KIAA1210: variants seen among roughly 807,000 people sequenced by gnomAD.
KIAA1210 encodes acrosomal protein KIAA1210.
KIAA1210 carries 48 observed loss-of-function variants against 78.9 expected under a neutral mutation model. The observed-to-expected ratio is 0.61, with a 90% CI of 0.48 to 0.77. KIAA1210 has a LOEUF of 0.77. Ranked by LOEUF, KIAA1210 falls within the 30% of genes least tolerant of loss-of-function variation. The pLI is 0.00. For missense variants in KIAA1210, 1,108 were observed against 1,100.0 expected (o/e 1.01, Z -0.10); for synonymous variants, 406 against 404.5 (o/e 1.00, Z -0.04).
At chrX:119,131,497 T>C (rs754519310), upstream of KIAA1210, among the ~76,000 whole-genome samples, 1 of 111,915 alleles carries the variant, frequency 8.9e-6, no homozygotes, top group East Asian at 2.8e-4. Context: ...AAAACCTCAG[T>C]AACATGCAAT....
At chrX:119,122,601 A>C (rs1191236433) in intron 2 of KIAA1210, among the ~76,000 whole-genome samples, 3 of 112,225 alleles carry the variant, frequency 2.7e-5, no homozygotes, top group Non-Finnish European at 3.8e-5. Flanking sequence ...CATATCCAAA[A>C]AGTCAATTGG....
At chrX:119,139,623 A>G (rs1239832819) in intron 2 of KIAA1210, among the ~76,000 whole-genome samples, 1 of 111,681 alleles carries the variant, frequency 9.0e-6, no homozygotes, top group Admixed American at 9.5e-5. Flanking sequence ...CCTGCTCTTC[A>G]TCAGTTTCCC....
intron 11 of KIAA1210, 90 bp from the exon 12 acceptor site, chrX:119,081,594 CT>C: frequency 1.1e-6 from 1 of 919,663 alleles, no homozygotes. Flanking sequence ...ATGTTTCCTC[CT>C]TTCAGGTTTC....
rs1489476162 is a variant in KIAA1210, at chrX:119,108,343, G to T, written c.486C>A (p.Ile162=). ...TSAVWVAGPK[I]TENPPSRRRR... is the part of the protein sequence containing the mutation. ...AACAATTCCACTTTGTTACCTCAGT[G>T]ATCTTGGGGCCAGCAACCCAGACTG... Residue 162 remains isoleucine (I), a synonymous_variant, in exon 5 of 12, where the codon ATC becomes ATA. Coordinates refer to ENST00000691062, the MANE Select transcript of KIAA1210 (RefSeq NM_001394962.1). The T allele has an allele frequency of 8.3e-7, 1 of 1,209,322 alleles. No homozygotes were observed. Among genetic ancestry groups the T allele is most frequent in the Non-Finnish European group, 1.1e-6 (1 of 894,247 alleles).
chrX:119,123,512 G>T (rs1377485654), intron 2 of KIAA1210, 70 bp downstream of exon 2: 2 of 791,235 alleles, frequency 2.5e-6, no homozygotes, highest in African/African-American at 4.1e-5. Flanking sequence ...TTGCTTCTTT[G>T]TCCTAGGAGC....
Position 119,096,547 on chromosome X carries a change from G to C in KIAA1210, c.793C>G (p.Arg265Gly). ...TQGCLDSSAA[R>G]HKMTLNPRKQ... ...CGGGGATTTAAAGTCATTTTGTGGC[G>C]AGCAGCTGAAGAATCCAAACAGCCC... The change falls in exon 7 of 12, where the codon CGC (arginine) becomes GGC (glycine). Residue 265 changes from arginine to glycine, a missense_variant. By Grantham distance (125) the Arg-to-Gly change is moderately radical (BLOSUM62 -2). Coordinates refer to ENST00000691062, the MANE Select transcript of KIAA1210 (RefSeq NM_001394962.1). 8.3e-7 allele frequency: 1 copy of C among 1,210,903 alleles called. No homozygotes were observed. Among genetic ancestry groups the C allele is most frequent in the South Asian group, 1.8e-5 (1 of 56,755 alleles).
intron 8 of KIAA1210, among the ~76,000 whole-genome samples, chrX:119,092,589 C>CTG (rs1927407303): frequency 9.1e-6 from 1 of 109,907 alleles, no homozygotes; most frequent in Non-Finnish European, 1.9e-5. Context: ...GTGAAACTCC[C>CTG]TCTCTACTAA....
upstream of KIAA1210, among the ~76,000 whole-genome samples, chrX:119,130,678 C>T (rs1293004044): frequency 8.9e-6 from 1 of 112,145 alleles, no homozygotes; most frequent in Non-Finnish European, 1.9e-5. Flanking sequence ...GTAAAAGACC[C>T]TTCTGCATGA....
At chrX:119,101,763 A>C (rs768569374) in intron 6 of KIAA1210, among the ~76,000 whole-genome samples, 26 of 111,365 alleles carry the variant, frequency 2.3e-4, no homozygotes, top group Non-Finnish European at 4.3e-4. Context: ...CTTCTATCAC[A>C]ATCTCTTCAA....
Position 119,116,569 on chromosome X carries a change from G to A in KIAA1210, c.157C>T (p.Leu53=). ...TTAATGTTGCTGCTGGACAAGCTCA[G>A]TTCTAGCATTTCTTCTTCCTGGGTA... The part of the protein sequence containing the change: ...EDTQEEEMLE[L]SLSSSNINIS... The change falls in exon 3 of 12, where the codon CTG becomes TTG. Residue 53 remains leucine (L), a synonymous_variant. Transcript: ENST00000691062. 1 of 1,210,940 alleles carries A rather than the reference G, an allele frequency of 8.3e-7. No homozygotes were observed.
intron 7 of KIAA1210, among the ~76,000 whole-genome samples, chrX:119,094,328 G>A (rs1331458733): frequency 8.9e-6 from 1 of 111,866 alleles, no homozygotes. Context: ...ACACTGGATG[G>A]GCTGAAGTTG....
At chrX:119,092,589 C>G (rs372849371) in intron 8 of KIAA1210, among the ~76,000 whole-genome samples, 3 of 109,907 alleles carry the variant, frequency 2.7e-5, no homozygotes, top group Non-Finnish European at 5.7e-5. Context: ...GTGAAACTCC[C>G]TCTCTACTAA....
At chrX:119,082,209 G>A (rs1205745689) in intron 11 of KIAA1210, among the ~76,000 whole-genome samples, 1 of 112,295 alleles carries the variant, frequency 8.9e-6, no homozygotes, top group Non-Finnish European at 1.9e-5. Flanking sequence ...AGGACCATCT[G>A]TAATTTTTTA....
At chrX:119,105,787 T>C (rs1927874905) in intron 5 of KIAA1210, among the ~76,000 whole-genome samples, 1 of 112,035 alleles carries the variant, frequency 8.9e-6, no homozygotes, top group African/African-American at 3.2e-5. Context: ...TCCTTGGGAT[T>C]CAGCAGACAA....
At chrX:119,145,678 A>G (rs1290180716) in intron 2 of KIAA1210, among the ~76,000 whole-genome samples, 2 of 111,514 alleles carry the variant, frequency 1.8e-5, no homozygotes, top group Non-Finnish European at 3.8e-5. Flanking sequence ...GCAGTACTAT[A>G]TATGCATTTG....
At chrX:119,150,415 T>A (rs1466334635) in exon 1 of KIAA1210, 1 of 1,211,549 alleles carries the variant, frequency 8.3e-7, no homozygotes, top group Non-Finnish European at 1.1e-6. Flanking sequence ...CCTTCTTGCC[T>A]TTGTAAGTCA....
chrX:119,114,804 T>A (rs1928200487), intron 3 of KIAA1210, among the ~76,000 whole-genome samples: 1 of 112,002 alleles, frequency 8.9e-6, no homozygotes, highest in Non-Finnish European at 1.9e-5. Context: ...CTGTCAGAAA[T>A]GAAAACTCTT....
Position 119,123,648 on chromosome X carries a change from G to C in KIAA1210, c.-6C>G, listed in dbSNP as rs775322015. Reference sequence around the variant, plus strand: ...TCACTTAGTGATTCAGCCATTGTAGGATGACTAAAATAAAATACAAAGCAA... The same window carrying C: ...TCACTTAGTGATTCAGCCATTGTAGCATGACTAAAATAAAATACAAAGCAA... On this transcript the variant is annotated 5_prime_UTR_variant, in exon 2 of 12. The change creates a new upstream start codon in the 5' untranslated region. Coordinates refer to ENST00000691062, the MANE Select transcript of KIAA1210 (RefSeq NM_001394962.1). 1.7e-6 allele frequency: 2 copies of C among 1,188,892 alleles called. No homozygotes were observed. The highest frequency in any genetic ancestry group is 2.3e-6 in the Non-Finnish European group (2 of 878,661).
At chrX:119,081,990 C>T (rs1926982409) in intron 11 of KIAA1210, among the ~76,000 whole-genome samples, 1 of 111,821 alleles carries the variant, frequency 8.9e-6, no homozygotes, top group Admixed American at 9.5e-5. Flanking sequence ...TTGTACCAAC[C>T]CAACTACCCC....
Sources: allele counts gnomAD v4.1 joint callset (sites outside exome capture counted in the v4.1 genomes callset), GRCh38; gene constraint gnomAD v4.1.1; transcripts MANE v1.5; gene names NCBI Gene and HGNC (gene_info 2026-07-23, HGNC 2026-07-21).